Variants in VRK1 observed in about 807,000 individuals in gnomAD.
VRK1 encodes serine/threonine-protein kinase VRK1.
In VRK1, 33 loss-of-function variants were observed where a neutral mutation model predicts 57.1. That is an observed-to-expected ratio of 0.58 (90% confidence interval 0.44 to 0.77). VRK1 has a LOEUF of 0.77. Ranked by LOEUF, VRK1 falls within the 30% of genes least tolerant of loss-of-function variation. The probability of loss-of-function intolerance (pLI) is 0.00; values close to 1 mark genes in which losing one functional copy is unlikely to be tolerated. For synonymous variants in VRK1, 137 were observed against 147.8 expected, an observed-to-expected ratio of 0.93 and a Z score of 0.53; for missense variants, 413 against 477.3, an observed-to-expected ratio of 0.87 and a Z score of 1.25.
chr14:96,867,564 A>AT (rs1888634961), intron 11 of VRK1, among the ~76,000 whole-genome samples: 1 of 151,824 alleles, frequency 6.6e-6, no homozygotes, highest in African/African-American at 2.4e-5. Flanking sequence ...CTAAAGGCTT[A>AT]ATGCCTGTCT....
chr14:96,798,076 C>T (rs1156985430), intron 1 of VRK1, among the ~76,000 whole-genome samples: 1 of 152,166 alleles, frequency 6.6e-6, no homozygotes, highest in Non-Finnish European at 1.5e-5. Flanking sequence ...CGCGAGGCCG[C>T]CCGTTATTTC....
chr14:96,867,534 A>T (rs1302240191), intron 11 of VRK1, among the ~76,000 whole-genome samples: 1 of 151,276 alleles, frequency 6.6e-6, no homozygotes, highest in African/African-American at 2.4e-5. Context: ...CTTTCTTGGT[A>T]CTTGGCAGAC....
At chr14:96,825,412 A>G (rs1033802074) in intron 1 of VRK1, among the ~76,000 whole-genome samples, 1 of 152,336 alleles carries the variant, frequency 6.6e-6, no homozygotes, top group South Asian at 2.1e-4. Flanking sequence ...GGTGATGTAT[A>G]TTAAACATAA....
intron 1 of VRK1, among the ~76,000 whole-genome samples, chr14:96,803,486 A>G (rs990414792): frequency 6.6e-6 from 1 of 152,130 alleles, no homozygotes; most frequent in African/African-American, 2.4e-5. Context: ...ACATATTGTT[A>G]TAATTACTCT....
At chr14:96,833,654 T>C in intron 2 of VRK1, 23 bp downstream of exon 2, 5 of 1,613,288 alleles carry the variant, frequency 3.1e-6, no homozygotes, top group South Asian at 1.1e-5. Context: ...CTGCTTCTAA[T>C]GATCAATCCA....
chr14:96,849,952 T>C (rs980597676), intron 5 of VRK1, among the ~76,000 whole-genome samples: 2 of 152,184 alleles, frequency 1.3e-5, no homozygotes, highest in Admixed American at 1.3e-4. Context: ...GCTGACTGAC[T>C]TGGGCACTGC....
chr14:96,844,948 A>C (rs1887619567), intron 3 of VRK1, among the ~76,000 whole-genome samples: 2 of 152,318 alleles, frequency 1.3e-5, no homozygotes, highest in African/African-American at 4.8e-5. Context: ...AGTTGAGGGT[A>C]TCTTGAGTGA....
At chr14:96,798,835 C>T (rs77275469) in intron 1 of VRK1, among the ~76,000 whole-genome samples, 12,654 of 152,184 alleles carry the variant, frequency 0.083, 686 homozygotes, top group Non-Finnish European at 0.13. Context: ...AATTAAATTT[C>T]TGGGTAGATA....
chr14:96,832,949 T>G (rs974724773), intron 1 of VRK1, among the ~76,000 whole-genome samples: 14 of 152,146 alleles, frequency 9.2e-5, no homozygotes, highest in Non-Finnish European at 2.1e-4. Flanking sequence ...GATAATGTAA[T>G]CTTCACAGAG....
intron 11 of VRK1, among the ~76,000 whole-genome samples, chr14:96,869,986 C>G (rs980889501): frequency 2.6e-5 from 4 of 152,056 alleles, no homozygotes; most frequent in African/African-American, 7.2e-5. Flanking sequence ...AAAGATTAGC[C>G]TCCTTAGTTT....
intron 11 of VRK1, among the ~76,000 whole-genome samples, chr14:96,863,127 C>G (rs1888454177): frequency 6.6e-6 from 1 of 152,124 alleles, no homozygotes; most frequent in African/African-American, 2.4e-5. Flanking sequence ...GCTTAATAAT[C>G]AAGGAGCTTT....
chr14:96,854,432 A>G (rs1888069703), intron 7 of VRK1, among the ~76,000 whole-genome samples: 1 of 152,110 alleles, frequency 6.6e-6, no homozygotes, highest in Non-Finnish European at 1.5e-5. Context: ...ATCTAGCCAC[A>G]TATTTTTACT....
chr14:96,847,190 T>C (rs1197151203), intron 4 of VRK1, 67 bp from the exon 5 acceptor site: 1 of 1,361,316 alleles, frequency 7.3e-7, no homozygotes, highest in Non-Finnish European at 1.0e-6. Flanking sequence ...TTGCTCTTAA[T>C]GATTTTTTAA....
At chr14:96,878,178 A>G (rs1566723121) in intron 12 of VRK1, among the ~76,000 whole-genome samples, 1 of 152,210 alleles carries the variant, frequency 6.6e-6, no homozygotes, top group Non-Finnish European at 1.5e-5. Context: ...AGTGAGAGAA[A>G]TATTATCTGA....
chr14:96,860,833 A>G (rs1016582953), intron 11 of VRK1, 98 bp downstream of exon 11: 1 of 1,345,148 alleles, frequency 7.4e-7, no homozygotes, highest in Non-Finnish European at 1.0e-6. Flanking sequence ...AAGAACAATA[A>G]CAGATTGCAT....
At chr14:96,876,198 C>A in intron 12 of VRK1, 78 bp downstream of exon 12, 1 of 1,331,486 alleles carries the variant, frequency 7.5e-7, no homozygotes, top group Non-Finnish European at 1.1e-6. Flanking sequence ...GAGGGGTCAA[C>A]TATTTGGGTC....
chr14:96,805,839 A>G (rs548480500), intron 1 of VRK1, among the ~76,000 whole-genome samples: 6 of 152,348 alleles, frequency 3.9e-5, no homozygotes, highest in Non-Finnish European at 7.3e-5. Flanking sequence ...ACATGTTTTT[A>G]AAGTACCTGT....
At chr14:96,875,919 C>G (rs117677815) in intron 11 of VRK1, 111 bp from the exon 12 acceptor site, 1 of 1,139,402 alleles carries the variant, frequency 8.8e-7, no homozygotes, top group Non-Finnish European at 1.3e-6. Context: ...TGTGTTTTGA[C>G]ACACCCACAC....
chr14:96,869,334 G>A (rs542513091), intron 11 of VRK1, among the ~76,000 whole-genome samples: 11 of 152,058 alleles, frequency 7.2e-5, no homozygotes, highest in Non-Finnish European at 1.5e-4. Flanking sequence ...AACATGGAAC[G>A]TTTTCATTTG....
Sources: allele counts gnomAD v4.1 joint callset (sites outside exome capture counted in the v4.1 genomes callset), GRCh38; gene constraint gnomAD v4.1.1; transcripts MANE v1.5; gene names NCBI Gene and HGNC (gene_info 2026-07-23, HGNC 2026-07-21).